The following DGKB variants were observed in gnomAD, a reference collection of about 807,000 sequenced individuals.
DGKB encodes 90 kDa diacylglycerol kinase.
A neutral mutation model predicts 114.3 loss-of-function variants in DGKB; 67 were observed. The ratio of observed to expected loss-of-function variants is 0.59; its 90% CI spans 0.48 to 0.72. The LOEUF is 0.72. DGKB is among the 30% of genes least tolerant of loss of function. DGKB has a pLI of 0.00. For missense variants in DGKB, 907 were observed against 975.2 expected (o/e 0.93, Z 0.93); for synonymous variants, 398 against 323.1 (o/e 1.23, Z -2.49).
intron 16 of DGKB, among the ~76,000 whole-genome samples, chr7:14,608,082 C>G (rs1383603899): frequency 6.6e-6 from 1 of 151,946 alleles, no homozygotes; most frequent in Non-Finnish European, 1.5e-5. Context: ...GTCTTAGCAG[C>G]ATATGACAAA....
intron 1 of DGKB, among the ~76,000 whole-genome samples, chr7:14,859,145 A>C (rs1277501941): frequency 6.6e-6 from 1 of 152,142 alleles, no homozygotes; most frequent in Non-Finnish European, 1.5e-5. Flanking sequence ...AGGCAGCAGA[A>C]ATGTCATGAT....
chr7:14,216,368 G>A (rs995091190), intron 23 of DGKB, among the ~76,000 whole-genome samples: 9 of 152,028 alleles, frequency 5.9e-5, no homozygotes, highest in African/African-American at 2.2e-4. Context: ...TATGTCATGA[G>A]TAATAAATTT....
chr7:14,836,470 T>C (rs141317769), intron 2 of DGKB, among the ~76,000 whole-genome samples: 193 of 152,300 alleles, frequency 1.3e-3, no homozygotes, highest in African/African-American at 4.5e-3. Flanking sequence ...TTTGGAAATA[T>C]CACGTAGATT....
At chr7:14,513,294 C>CT (rs1189260777) in intron 20 of DGKB, among the ~76,000 whole-genome samples, 2 of 151,932 alleles carry the variant, frequency 1.3e-5, no homozygotes, top group Non-Finnish European at 2.9e-5. Flanking sequence ...TAAAAGTTCT[C>CT]TTTTTTTAAT....
chr7:14,740,023 A>T (rs1832341297), intron 4 of DGKB, among the ~76,000 whole-genome samples: 1 of 152,162 alleles, frequency 6.6e-6, no homozygotes, highest in African/African-American at 2.4e-5. Context: ...GCAGGGCGGG[A>T]CTGAGCCGCA....
intron 5 of DGKB, among the ~76,000 whole-genome samples, chr7:14,733,971 A>C (rs1400404890): frequency 1.3e-5 from 2 of 151,658 alleles, no homozygotes; most frequent in African/African-American, 2.4e-5. Flanking sequence ...ATGTTCTTGC[A>C]TTTTTATTTA....
At chr7:14,403,892 G>A (rs1324371878) in intron 21 of DGKB, among the ~76,000 whole-genome samples, 1 of 151,852 alleles carries the variant, frequency 6.6e-6, no homozygotes, top group Non-Finnish European at 1.5e-5. Context: ...ACCTAAGGAT[G>A]ATGTCCCTCA....
intron 20 of DGKB, among the ~76,000 whole-genome samples, chr7:14,559,561 G>C (rs1002665354): frequency 6.6e-6 from 1 of 152,204 alleles, no homozygotes. Context: ...ATGCCCCTTA[G>C]AGGTAATGGG....
intron 2 of DGKB, among the ~76,000 whole-genome samples, chr7:14,833,184 C>T (rs1239999751): frequency 2.0e-5 from 3 of 152,094 alleles, no homozygotes; most frequent in African/African-American, 7.2e-5. Context: ...TGGAACCCCA[C>T]ATATTCAATA....
chr7:14,649,198 T>A (rs1168268798), intron 13 of DGKB, among the ~76,000 whole-genome samples: 1 of 146,744 alleles, frequency 6.8e-6, no homozygotes, highest in African/African-American at 2.5e-5. Flanking sequence ...AATTGTCAGA[T>A]TCACCAAAGT....
intron 21 of DGKB, among the ~76,000 whole-genome samples, chr7:14,465,382 G>C (rs1380227450): frequency 6.6e-6 from 1 of 152,146 alleles, no homozygotes; most frequent in Non-Finnish European, 1.5e-5. Flanking sequence ...GACTTTGAAA[G>C]AACAATCAAG....
chr7:14,221,278 G>C lies in DGKB; in HGVS notation c.2123-43127C>G, dbSNP rs141744795. Reference sequence around the variant, plus strand: ...GACTTATTTCTGAATAAAGCATCTAGTATTTCACCATTAAGTATGATATTA... The same window carrying C: ...GACTTATTTCTGAATAAAGCATCTACTATTTCACCATTAAGTATGATATTA... On this transcript the variant is annotated intron_variant, in intron 23 of 25. Transcript: ENST00000402815. Among the ~76,000 whole-genome samples, 14 of 151,344 alleles carry C rather than the reference G, an allele frequency of 9.3e-5. No homozygotes were observed. The East Asian group carries it at 2.3e-3, about 25-fold the overall frequency.
chr7:14,297,393 G>C (rs1160346476), intron 23 of DGKB, among the ~76,000 whole-genome samples: 2 of 152,096 alleles, frequency 1.3e-5, no homozygotes, highest in African/African-American at 4.8e-5. Context: ...TGCAAGGCTG[G>C]TTCAACATAC....
chr7:14,861,983 C>G (rs1851047162), intron 1 of DGKB, among the ~76,000 whole-genome samples: 1 of 151,896 alleles, frequency 6.6e-6, no homozygotes, highest in Admixed American at 6.6e-5. Flanking sequence ...TTTATATGAC[C>G]ACCAGCACTT....
Position 14,555,683 on chromosome 7 carries a change from G to A in DGKB, c.1770+18529C>T, listed in dbSNP as rs149166991. Among the ~76,000 whole-genome samples, 313 of 152,228 alleles carry A rather than the reference G, an allele frequency of 2.1e-3. 1 individual carries two copies. The highest frequency in any genetic ancestry group is 6.9e-3 in the African/African-American group (288 of 41,554). On this transcript the variant is annotated intron_variant, in intron 20 of 25. Coordinates refer to ENST00000402815, the MANE Select transcript of DGKB (RefSeq NM_001350709.2). The stretch of plus-strand genomic sequence containing the variant: ...TCTAAGTCACAGAATGAGATACAAG[G>A]TTGGTACAAGATACAGGTCATAAAG...
chr7:14,298,866 T>C (rs774786688), intron 23 of DGKB, among the ~76,000 whole-genome samples: 1 of 151,894 alleles, frequency 6.6e-6, no homozygotes, highest in Non-Finnish European at 1.5e-5. Context: ...GACAACTCCA[T>C]CAAAAAGTGG....
chr7:14,900,157 A>C (rs970705649), intron 1 of DGKB, among the ~76,000 whole-genome samples: 5 of 152,178 alleles, frequency 3.3e-5, no homozygotes, highest in Admixed American at 1.3e-4. Context: ...ATCCAGGGCT[A>C]TCAAGTAGTT....
chr7:14,953,566 G>T (rs144235219), intron 1 of DGKB, among the ~76,000 whole-genome samples: 1 of 152,158 alleles, frequency 6.6e-6, no homozygotes, highest in African/African-American at 2.4e-5. Flanking sequence ...GACATAAATG[G>T]AGATATTAGA....
chr7:14,964,130 T>C (rs1165298240), intron 1 of DGKB, among the ~76,000 whole-genome samples: 2 of 147,176 alleles, frequency 1.4e-5, no homozygotes, highest in Non-Finnish European at 3.0e-5. Flanking sequence ...AGTTGAGTTA[T>C]GAGTAAGAAG....
Sources: gnomAD v4.1 joint callset for allele counts (sites outside exome capture counted in the v4.1 genomes callset) on GRCh38, gnomAD v4.1.1 for gene constraint, MANE v1.5 for transcripts, NCBI Gene and HGNC (gene_info 2026-07-23, HGNC 2026-07-21) for gene names.